The following MARCHF1 variants were observed in gnomAD, a reference collection of about 807,000 sequenced individuals.
MARCHF1 encodes the protein E3 ubiquitin-protein ligase MARCHF1.
A neutral mutation model predicts 54.2 loss-of-function variants in MARCHF1; 40 were observed. That is an observed-to-expected ratio of 0.74 (90% CI 0.57 to 0.96). The LOEUF (loss-of-function observed/expected upper bound fraction) is 0.96, where lower values mean the gene tolerates loss of function less well. MARCHF1 is among the 40% of genes least tolerant of loss of function. MARCHF1 has a pLI of 0.00. For missense variants in MARCHF1, 586 were observed against 656.5 expected, an observed-to-expected ratio of 0.89 and a Z score of 1.17; for synonymous variants, 236 against 236.3, an observed-to-expected ratio of 1.00 and a Z score of 0.01.
At chr4:163,541,773 TTAAG>T (rs1738730844) in intron 9 of MARCHF1, among the ~76,000 whole-genome samples, 1 of 152,246 alleles carries the variant, frequency 6.6e-6, no homozygotes, top group African/African-American at 2.4e-5. Flanking sequence ...TTGACTTCTT[TTAAG>T]TTAGGCAATT....
At chr4:164,340,251 C>CT (rs1729874295) in intron 1 of MARCHF1, among the ~76,000 whole-genome samples, 1 of 137,740 alleles carries the variant, frequency 7.3e-6, no homozygotes, top group Admixed American at 7.2e-5. Flanking sequence ...TTTTTTTTTT[C>CT]TTTGAGACAG....
intron 1 of MARCHF1, among the ~76,000 whole-genome samples, chr4:164,240,197 A>G (rs1301851593): frequency 1.3e-5 from 2 of 152,188 alleles, no homozygotes; most frequent in East Asian, 3.8e-4. Context: ...TGTTTTGTCA[A>G]TAAGCCTCTT....
chr4:164,361,367 T>G (rs1003822724), intron 1 of MARCHF1, among the ~76,000 whole-genome samples: 1 of 152,148 alleles, frequency 6.6e-6, no homozygotes, highest in Admixed American at 6.5e-5. Context: ...CTCCTACAAC[T>G]GCAACCGTTG....
At chr4:164,061,996 G>T (rs1438722478) in intron 2 of MARCHF1, among the ~76,000 whole-genome samples, 1 of 152,136 alleles carries the variant, frequency 6.6e-6, no homozygotes, top group African/African-American at 2.4e-5. Flanking sequence ...GTGTTTGATA[G>T]AATTTTACCC....
chr4:163,930,536 A>T (rs1431885993), intron 3 of MARCHF1, among the ~76,000 whole-genome samples: 1 of 149,316 alleles, frequency 6.7e-6, no homozygotes, highest in Non-Finnish European at 1.5e-5. Context: ...TGGCTGGGTC[A>T]TAATGCCCAG....
intron 1 of MARCHF1, among the ~76,000 whole-genome samples, chr4:164,362,914 A>G (rs980052658): frequency 1.3e-5 from 2 of 152,068 alleles, no homozygotes; most frequent in Non-Finnish European, 2.9e-5. Context: ...TTTCTCTGCA[A>G]TATATAATTG....
intron 1 of MARCHF1, among the ~76,000 whole-genome samples, chr4:164,228,671 C>G (rs1023350947): frequency 6.6e-6 from 1 of 152,192 alleles, no homozygotes; most frequent in African/African-American, 2.4e-5. Context: ...TATTTACCCT[C>G]AAATATTAAA....
At chr4:164,153,992 A>C (rs927643237) in intron 1 of MARCHF1, among the ~76,000 whole-genome samples, 1 of 152,190 alleles carries the variant, frequency 6.6e-6, no homozygotes, top group Non-Finnish European at 1.5e-5. Flanking sequence ...AACCTGTTCT[A>C]TATTGTCTTT....
At chr4:163,541,316 C>G (rs1738717093) in intron 9 of MARCHF1, among the ~76,000 whole-genome samples, 1 of 152,200 alleles carries the variant, frequency 6.6e-6, no homozygotes, top group Non-Finnish European at 1.5e-5. Flanking sequence ...TCTGGGGCAA[C>G]TTTACTATCT....
chr4:163,961,697 T>C (rs1752349244), intron 3 of MARCHF1, among the ~76,000 whole-genome samples: 1 of 151,964 alleles, frequency 6.6e-6, no homozygotes, highest in Non-Finnish European at 1.5e-5. Context: ...TTTGATATTC[T>C]CTGATCTAAA....
At chr4:164,001,036 T>G (rs901071132) in intron 2 of MARCHF1, among the ~76,000 whole-genome samples, 4 of 151,764 alleles carry the variant, frequency 2.6e-5, no homozygotes, top group Non-Finnish European at 5.9e-5. Context: ...GTGATGGACA[T>G]TTAGACAATA....
At chr4:164,126,962 G>A (rs2110799271) in intron 1 of MARCHF1, among the ~76,000 whole-genome samples, 1 of 152,246 alleles carries the variant, frequency 6.6e-6, no homozygotes, top group Non-Finnish European at 1.5e-5. Context: ...GCTGAGGTGG[G>A]AGAATCGCTT....
intron 1 of MARCHF1, among the ~76,000 whole-genome samples, chr4:164,323,837 A>G (rs944606563): frequency 1.3e-5 from 2 of 151,748 alleles, no homozygotes; most frequent in African/African-American, 4.8e-5. Flanking sequence ...GAGATCGGAA[A>G]TGTGATGAAA....
At chr4:163,760,638 C>G (rs1186504056) in intron 4 of MARCHF1, among the ~76,000 whole-genome samples, 1 of 152,152 alleles carries the variant, frequency 6.6e-6, no homozygotes, top group Non-Finnish European at 1.5e-5. Context: ...ATACAATTTG[C>G]ATTAAAAGGC....
Position 164,270,923 on chromosome 4 carries a change from T to C in MARCHF1, c.-323+112947A>G, listed in dbSNP as rs62348048. 6.3e-3 allele frequency among the ~76,000 whole-genome samples: 963 copies of C among 152,058 alleles called. 16 individuals carry two copies. Among genetic ancestry groups the C allele is most frequent in the South Asian group, 0.048 (231 of 4,822 alleles). On this transcript the variant is annotated intron_variant, in intron 1 of 9. Transcript: ENST00000514618. Reference sequence around the variant, plus strand: ...CCAAAATAGTCAACTTCTGAAGAAGTAGAAAAAGAAAGTTGAGGAAATCTT... The same window carrying C: ...CCAAAATAGTCAACTTCTGAAGAAGCAGAAAAAGAAAGTTGAGGAAATCTT...
At chr4:164,322,597 T>C (rs1735170471) in intron 1 of MARCHF1, among the ~76,000 whole-genome samples, 1 of 152,092 alleles carries the variant, frequency 6.6e-6, no homozygotes, top group Non-Finnish European at 1.5e-5. Flanking sequence ...ACTCAAAGGA[T>C]AAATGCTTGA....
intron 1 of MARCHF1, among the ~76,000 whole-genome samples, chr4:164,253,250 A>G (rs963497502): frequency 6.6e-6 from 1 of 152,164 alleles, no homozygotes; most frequent in African/African-American, 2.4e-5. Flanking sequence ...TTAAATTGAG[A>G]AATCTTGAAA....
chr4:163,768,607 T>TA (rs577153832), intron 4 of MARCHF1, among the ~76,000 whole-genome samples: 49 of 152,314 alleles, frequency 3.2e-4, no homozygotes, highest in African/African-American at 1.1e-3. Context: ...TGATTTTTTT[T>TA]ATTAGGAAAT....
At chr4:164,143,805 C>T (rs149893753) in intron 1 of MARCHF1, among the ~76,000 whole-genome samples, 363 of 152,022 alleles carry the variant, frequency 2.4e-3, no homozygotes, top group African/African-American at 8.2e-3. Context: ...ATGACAGGAT[C>T]AAATTCACAC....
Sources: allele counts gnomAD v4.1 joint callset (sites outside exome capture counted in the v4.1 genomes callset), GRCh38; gene constraint gnomAD v4.1.1; transcripts MANE v1.5; gene names NCBI Gene and HGNC (gene_info 2026-07-23, HGNC 2026-07-21).